Variants in MAN1A1 observed in about 807,000 individuals in gnomAD.
The protein encoded by MAN1A1 is mannosidase alpha class 1A member 1, also known as mannosyl-oligosaccharide 1,2-alpha-mannosidase IA.
Under a neutral mutation model 70.8 loss-of-function variants are expected in MAN1A1, and 29 were observed. That is an observed-to-expected ratio of 0.41 (90% CI 0.31 to 0.56). The LOEUF is 0.56. MAN1A1 is among the 20% of genes least tolerant of loss of function. MAN1A1 has a pLI of 0.29. For synonymous variants in MAN1A1, 349 were observed against 330.1 expected (o/e 1.06, Z -0.62); for missense variants, 747 against 841.3 (o/e 0.89, Z 1.39).
chr6:119,300,359 G>A (rs192210925), intron 4 of MAN1A1, among the ~76,000 whole-genome samples: 437 of 151,746 alleles, frequency 2.9e-3, no homozygotes, highest in Middle Eastern at 0.017. Context: ...GGGTTCAAGC[G>A]ATCCTCCTGC....
intron 2 of MAN1A1, among the ~76,000 whole-genome samples, chr6:119,314,626 A>G (rs1772802005): frequency 6.6e-6 from 1 of 151,710 alleles, no homozygotes; most frequent in African/African-American, 2.4e-5. Context: ...CTGCTTGCAA[A>G]CCTCAGACAG....
At chr6:119,209,728 T>A (rs755835545) in intron 6 of MAN1A1, among the ~76,000 whole-genome samples, 1 of 152,182 alleles carries the variant, frequency 6.6e-6, no homozygotes, top group Non-Finnish European at 1.5e-5. Flanking sequence ...TGCACAGTGC[T>A]GATCTTTCAA....
chr6:119,243,973 T>A (rs150378553), intron 6 of MAN1A1, among the ~76,000 whole-genome samples: 2 of 152,166 alleles, frequency 1.3e-5, no homozygotes, highest in Admixed American at 1.3e-4. Flanking sequence ...AGAGAAGTGA[T>A]AAAATAGTGT....
intron 4 of MAN1A1, among the ~76,000 whole-genome samples, chr6:119,300,945 G>T (rs9320686): frequency 6.6e-6 from 1 of 151,930 alleles, no homozygotes; most frequent in Non-Finnish European, 1.5e-5. Flanking sequence ...GAAATAGATG[G>T]GGGAAAGACT....
At chr6:119,275,628 G>A (rs2114386881) in intron 5 of MAN1A1, among the ~76,000 whole-genome samples, 2 of 151,386 alleles carry the variant, frequency 1.3e-5, no homozygotes, top group Non-Finnish European at 2.9e-5. Flanking sequence ...TTTTAGTAGA[G>A]ACGGGGTTTC....
intron 2 of MAN1A1, among the ~76,000 whole-genome samples, chr6:119,339,723 G>T (rs1269037319): frequency 6.6e-6 from 1 of 152,018 alleles, no homozygotes; most frequent in Non-Finnish European, 1.5e-5. Flanking sequence ...CCTTTGATAA[G>T]ACAAATCTCA....
chr6:119,228,952 T>A (rs888266633), intron 6 of MAN1A1, among the ~76,000 whole-genome samples: 9 of 152,162 alleles, frequency 5.9e-5, no homozygotes, highest in African/African-American at 1.4e-4. Flanking sequence ...CCTGCTTTTT[T>A]ATTTTTATTA....
At chr6:119,180,568 A>G in intron 11 of MAN1A1, 141 bp from the exon 12 acceptor site, 1 of 562,680 alleles carries the variant, frequency 1.8e-6, no homozygotes, top group East Asian at 3.1e-5. Flanking sequence ...GGCGGAGTAC[A>G]GTGGCACCAT....
chr6:119,192,158 C>T (rs1773459138), intron 9 of MAN1A1, among the ~76,000 whole-genome samples: 1 of 152,028 alleles, frequency 6.6e-6, no homozygotes, highest in Non-Finnish European at 1.5e-5. Flanking sequence ...TTAAAGCTGT[C>T]TTTTTTTGAA....
chr6:119,180,567 C>T, intron 11 of MAN1A1, 140 bp from the exon 12 acceptor site: 1 of 561,702 alleles, frequency 1.8e-6, no homozygotes, highest in South Asian at 2.0e-5. Flanking sequence ...GGGCGGAGTA[C>T]AGTGGCACCA....
At chr6:119,344,717 T>A (rs1175876433) in intron 2 of MAN1A1, among the ~76,000 whole-genome samples, 1 of 152,262 alleles carries the variant, frequency 6.6e-6, no homozygotes, top group African/African-American at 2.4e-5. Flanking sequence ...TATTCTCACA[T>A]CTGATCTTTA....
chr6:119,337,109 C>T (rs1425322380), intron 2 of MAN1A1, among the ~76,000 whole-genome samples: 2 of 152,012 alleles, frequency 1.3e-5, no homozygotes, highest in South Asian at 2.1e-4. Context: ...TTTTTGGCAC[C>T]ACTTTCACCA....
At position 119,178,815 on chromosome 6, in the gene MAN1A1, T is replaced by A. The variant is rs1562178277; in HGVS notation, c.*1004A>T. 1 of 152,118 alleles carries A rather than the reference T, an allele frequency of 6.6e-6. No individual in the cohort carries two copies. The highest frequency in any genetic ancestry group is 2.4e-5 in the African/African-American group (1 of 41,432). 9.4% of individuals were successfully genotyped at this position (152,118 alleles called of 1,614,324 possible). A position where few individuals can be genotyped will look rare whatever the true frequency, so the allele number is the denominator to read the frequency against. On this transcript the variant is annotated 3_prime_UTR_variant, in exon 13 of 13. Coordinates refer to ENST00000368468, the MANE Select transcript of MAN1A1 (RefSeq NM_005907.4). ...CTGAAAGGAAATAATTTACTACATC[T>A]GAGATAGAGCCTTTTTCAAATCTGA...
chr6:119,236,313 A>C (rs566895336), intron 6 of MAN1A1, among the ~76,000 whole-genome samples: 1 of 152,302 alleles, frequency 6.6e-6, no homozygotes, highest in Admixed American at 6.5e-5. Flanking sequence ...CTGCTCATTG[A>C]CAATGCACCT....
chr6:119,258,786 G>C (rs946166305), intron 5 of MAN1A1, among the ~76,000 whole-genome samples: 5 of 152,082 alleles, frequency 3.3e-5, no homozygotes, highest in African/African-American at 1.2e-4. Context: ...ATGATTCGGT[G>C]AAATGTAGAA....
Position 119,188,496 on chromosome 6 carries a change from A to T in MAN1A1, c.1628T>A (p.Ile543Asn), listed in dbSNP as rs747775527. 21 of 1,613,858 alleles carry T rather than the reference A, an allele frequency of 1.3e-5. No individual in the cohort carries two copies. The highest frequency in any genetic ancestry group is 1.8e-5 in the Non-Finnish European group (21 of 1,179,896). ...IATRQNEKYY[I>N]LRPEVMETYM... Reference sequence around the variant, plus strand: ...AGTCTCCATAACTTCTGGCCGTAAGATGTAGTATTTTTCATTTTGTCTTGT... The same window carrying T: ...AGTCTCCATAACTTCTGGCCGTAAGTTGTAGTATTTTTCATTTTGTCTTGT... The change falls in exon 11 of 13, where the codon ATC becomes AAC. Residue 543 changes from isoleucine (I) to asparagine (N), a missense_variant. By Grantham distance (149) the Ile-to-Asn change is moderately radical. Coordinates refer to ENST00000368468, the MANE Select transcript of MAN1A1 (RefSeq NM_005907.4).
Position 119,177,259 on chromosome 6 carries a change from T to A in MAN1A1, c.*2560A>T, listed in dbSNP as rs181558549. 1 of 152,234 alleles carries A rather than the reference T, an allele frequency of 6.6e-6. No homozygotes were observed. Among genetic ancestry groups the A allele is most frequent in the African/African-American group, 2.4e-5 (1 of 41,574 alleles). 9.4% of individuals were successfully genotyped at this position (152,234 alleles called of 1,614,324 possible). ...AGAGAAATTTTACAAATATAATTTT[T>A]AAAAATTATGTGTCAATCTATTGTT... is the stretch of plus-strand genomic sequence containing the variant. On this transcript the variant is annotated 3_prime_UTR_variant, in exon 13 of 13. Transcript: ENST00000368468.
intron 2 of MAN1A1, among the ~76,000 whole-genome samples, chr6:119,313,401 T>C (rs1195763029): frequency 2.6e-5 from 4 of 152,190 alleles, no homozygotes; most frequent in South Asian, 4.1e-4. Context: ...CCTCTAGCCA[T>C]GATAGTTTCC....
chr6:119,245,153 T>G (rs1775137570), intron 6 of MAN1A1, among the ~76,000 whole-genome samples: 1 of 152,306 alleles, frequency 6.6e-6, no homozygotes, highest in Admixed American at 6.5e-5. Context: ...TGGTAATTCT[T>G]GCCAAGAGTT....
Sources: allele counts gnomAD v4.1 joint callset (sites outside exome capture counted in the v4.1 genomes callset), GRCh38; gene constraint gnomAD v4.1.1; transcripts MANE v1.5; gene names NCBI Gene and HGNC (gene_info 2026-07-23, HGNC 2026-07-21).